Variants in NINL observed in about 807,000 individuals in gnomAD.
NINL encodes the protein ninein-like protein.
Under a neutral mutation model 160.3 loss-of-function variants are expected in NINL, and 153 were observed. That is an observed-to-expected ratio of 0.95 (90% CI 0.84 to 1.09). NINL has a LOEUF of 1.09. Among genes scored for constraint, NINL ranks in the 50% least tolerant of loss-of-function variants. NINL has a pLI of 0.00. For synonymous variants in NINL, 800 were observed against 734.8 expected (o/e 1.09, Z -1.43); for missense variants, 1,829 against 1,764.0 (o/e 1.04, Z -0.66).
chr20:25,504,774 T>C (rs1485955898), intron 6 of NINL, 114 bp downstream of exon 6: 3 of 1,086,630 alleles, frequency 2.8e-6, no homozygotes, highest in Non-Finnish European at 4.0e-6. Flanking sequence ...GATTTTAGAT[T>C]AGAAAGTGAT....
chr20:25,508,711 G>C (rs1247020242), intron 5 of NINL, among the ~76,000 whole-genome samples: 3 of 152,212 alleles, frequency 2.0e-5, no homozygotes, highest in Non-Finnish European at 4.4e-5. Flanking sequence ...GCATTCAGCC[G>C]GGCTCCAGCC....
intron 2 of NINL, among the ~76,000 whole-genome samples, chr20:25,521,817 C>T (rs1389104594): frequency 6.6e-6 from 1 of 152,178 alleles, no homozygotes; most frequent in African/African-American, 2.4e-5. Context: ...TTGAGGCCCC[C>T]AAGGTCACAG....
chr20:25,476,473 C>T lies in NINL; in HGVS notation c.2818G>A (p.Glu940Lys). The change falls in exon 17 of 24, where the codon GAG (glutamate) becomes AAG (lysine). Residue 940 changes from glutamate to lysine, a missense_variant. Transcript: ENST00000278886. ...CTCTCTGTTCCCAGCAGAGGCAGCT[C>T]CCGGGCTCCAGGCTGCTCCAGCCCC... ...AAGLEQPGAR[E>K]LPLLGTERDA... 6.2e-7 allele frequency: 1 copy of T among 1,606,544 alleles called. No individual in the cohort carries two copies. Among genetic ancestry groups the T allele is most frequent in the Non-Finnish European group, 8.5e-7 (1 of 1,179,870 alleles).
In NINL at chr20:25,491,495, C is replaced by G; in HGVS notation, c.1341G>C (p.Leu447=). The change falls in exon 11 of 24, where the codon CTG becomes CTC. Residue 447 remains leucine (L), a synonymous_variant. Transcript: ENST00000278886. ...CCTCCACCTCAGACCGCAGGAGGCT[C>G]AGCCTTTCCCGGTACCCCTGCTCCA... ...KHLEQGYRER[L]SLLRSEVEAE... The G allele has an allele frequency of 6.2e-7, 1 of 1,614,046 alleles. No homozygotes were observed. Among genetic ancestry groups the G allele is most frequent in the Non-Finnish European group, 8.5e-7 (1 of 1,179,992 alleles).
chr20:25,458,406 T>C lies in NINL; in HGVS notation c.3820A>G (p.Arg1274Gly). The C allele has an allele frequency of 6.2e-7, 1 of 1,606,742 alleles. No homozygotes were observed. The highest frequency in any genetic ancestry group is 8.5e-7 in the Non-Finnish European group (1 of 1,179,962). The stretch of plus-strand genomic sequence containing the variant: ...ACCCGCTGTGCATCCAGGCGCCTCC[T>C]GGCCTGCTCTCCCTGAAGGCTGAGC... ...RLLSLQGEQA[R>G]RRLDAQREEH... The change falls in exon 22 of 24, where the codon AGG becomes GGG. Residue 1274 changes from arginine (R) to glycine (G), a missense_variant. Physicochemically the swap from Arg to Gly is moderately radical, Grantham distance 125. Transcript: ENST00000278886.
At chr20:25,567,203 T>C (rs1022577661) in intron 1 of NINL, among the ~76,000 whole-genome samples, 2 of 152,266 alleles carry the variant, frequency 1.3e-5, no homozygotes, top group African/African-American at 2.4e-5. Flanking sequence ...AATATTTCAA[T>C]AGAAACTTCA....
At chr20:25,483,643 C>T (rs1260259516) in intron 13 of NINL, among the ~76,000 whole-genome samples, 1 of 152,248 alleles carries the variant, frequency 6.6e-6, no homozygotes, top group Admixed American at 6.5e-5. Flanking sequence ...AAGGCTAGGA[C>T]ACCATGGCAG....
In NINL at chr20:25,457,725, T is replaced by C. The variant is rs993009705; in HGVS notation, c.3843+658A>G. On this transcript the variant is annotated intron_variant, in intron 22 of 23. Coordinates refer to ENST00000278886, the MANE Select transcript of NINL (RefSeq NM_025176.6). The stretch of plus-strand genomic sequence containing the variant: ...TGTCCCTGATGAACTATGAACTATG[T>C]TGGGAATTTCAGGAGTGAGTTATTC... 6.6e-5 allele frequency among the ~76,000 whole-genome samples: 10 copies of C among 152,234 alleles called. 1 individual carries two copies. Among genetic ancestry groups the C allele is most frequent in the Admixed American group, 3.9e-4 (6 of 15,284 alleles).
chr20:25,496,906 G>A, intron 9 of NINL, 103 bp from the exon 10 acceptor site: 1 of 1,460,680 alleles, frequency 6.8e-7, no homozygotes, highest in Non-Finnish European at 9.3e-7. Context: ...ATAGAAACTA[G>A]CACACCAACT....
chr20:25,570,891 C>T (rs555034633), intron 1 of NINL, among the ~76,000 whole-genome samples: 136 of 151,804 alleles, frequency 9.0e-4, no homozygotes, highest in African/African-American at 3.1e-3. Flanking sequence ...TTTGTAAAGA[C>T]GGGGTTTCAC....
At chr20:25,466,930 G>C (rs1172988032) in intron 19 of NINL, among the ~76,000 whole-genome samples, 1 of 152,202 alleles carries the variant, frequency 6.6e-6, no homozygotes, top group East Asian at 1.9e-4. Flanking sequence ...AACATAGTGA[G>C]ACCCTGTCTC....
Position 25,510,588 on chromosome 20 carries a change from T to C in NINL, c.517+86A>G, listed in dbSNP as rs2064049441. ...ATTTCCCAGGAAATTAAACTTGTGGTTGCACACTGCCCAATGACCCGGCTG... is the reference window on the plus strand; with the variant it reads ...ATTTCCCAGGAAATTAAACTTGTGGCTGCACACTGCCCAATGACCCGGCTG... On this transcript the variant is annotated intron_variant, in intron 5 of 23. Transcript: ENST00000278886. The C allele has an allele frequency of 3.4e-6, 4 of 1,177,282 alleles. No homozygotes were observed. The South Asian group carries it at 3.7e-5, about 11-fold the overall frequency. The allele number at this position is 1,177,282 out of a possible 1,614,324, so 72.9% of individuals were successfully genotyped here. A position where few individuals can be genotyped will look rare whatever the true frequency, so the allele number is the denominator to read the frequency against.
intron 1 of NINL, among the ~76,000 whole-genome samples, chr20:25,565,471 T>A (rs1348537318): frequency 6.6e-6 from 1 of 151,870 alleles, no homozygotes; most frequent in Non-Finnish European, 1.5e-5. Context: ...ACTTCTGAAG[T>A]TCACAGTCCA....
intron 2 of NINL, among the ~76,000 whole-genome samples, chr20:25,522,007 A>G (rs1457398332): frequency 2.0e-5 from 3 of 152,154 alleles, no homozygotes; most frequent in African/African-American, 7.2e-5. Flanking sequence ...CCCAAGCTCA[A>G]GTGATCCTCC....
intron 1 of NINL, among the ~76,000 whole-genome samples, chr20:25,528,187 G>A (rs559718030): frequency 1.1e-4 from 16 of 152,154 alleles, no homozygotes; most frequent in African/African-American, 3.6e-4. Flanking sequence ...ATACCACCGT[G>A]CCCAGCTAAT....
chr20:25,527,836 T>C (rs1444306046), intron 1 of NINL, among the ~76,000 whole-genome samples: 3 of 152,174 alleles, frequency 2.0e-5, no homozygotes, highest in Non-Finnish European at 4.4e-5. Context: ...AAATATTAAC[T>C]GGCCTAGTAT....
At position 25,452,721 on chromosome 20, in the gene NINL, T is replaced by C. The variant is rs1229577056; in HGVS notation, c.*730A>G. On this transcript the variant is annotated 3_prime_UTR_variant, in exon 24 of 24. Transcript: ENST00000278886. ...GTCAATTTTAATAGAAAAGAATTTA[T>C]TGCAAATACAGTGACTTTTTATATT... 2 of 152,604 alleles carry C rather than the reference T, an allele frequency of 1.3e-5. No homozygotes were observed. The highest frequency in any genetic ancestry group is 2.9e-5 in the Non-Finnish European group (2 of 68,040). 9.5% of individuals were successfully genotyped at this position (152,604 alleles called of 1,614,324 possible).
chr20:25,499,422 G>A (rs2063823556), intron 8 of NINL, among the ~76,000 whole-genome samples: 3 of 152,218 alleles, frequency 2.0e-5, no homozygotes, highest in African/African-American at 7.2e-5. Context: ...ATGGGAAAGA[G>A]AATAAGTTCT....
At chr20:25,577,516 G>A (rs1462894827) in intron 1 of NINL, among the ~76,000 whole-genome samples, 1 of 152,196 alleles carries the variant, frequency 6.6e-6, no homozygotes. Flanking sequence ...CTCAAAATCT[G>A]CACCGAGCAG....
Sources: gnomAD v4.1 joint callset for allele counts (sites outside exome capture counted in the v4.1 genomes callset) on GRCh38, gnomAD v4.1.1 for gene constraint, MANE v1.5 for transcripts, NCBI Gene and HGNC (gene_info 2026-07-23, HGNC 2026-07-21) for gene names.